Variants in UTP25 observed in about 807,000 individuals in gnomAD.
UTP25 encodes the protein U3 small nucleolar RNA-associated protein 25 homolog.
In UTP25, 50 loss-of-function variants were observed where a neutral mutation model predicts 78.9. The ratio of observed to expected loss-of-function variants is 0.63; its 90% confidence interval spans 0.50 to 0.80. UTP25 has a LOEUF of 0.80. UTP25 is among the 30% of genes least tolerant of loss of function. The probability of loss-of-function intolerance (pLI) is 0.00; values close to 1 mark genes in which losing one functional copy is unlikely to be tolerated. For missense variants in UTP25, 846 were observed against 911.3 expected (o/e 0.93, Z 0.92); for synonymous variants, 329 against 336.5 (o/e 0.98, Z 0.24).
At chr1:209,841,438 G>A (rs556113269) in intron 8 of UTP25, among the ~76,000 whole-genome samples, 2 of 152,288 alleles carry the variant, frequency 1.3e-5, no homozygotes, top group South Asian at 2.1e-4. Flanking sequence ...TGCTTATGCT[G>A]TTTTGTTTGG....
intron 8 of UTP25, among the ~76,000 whole-genome samples, chr1:209,841,302 T>C (rs2078165890): frequency 6.6e-6 from 1 of 152,240 alleles, no homozygotes; most frequent in South Asian, 2.1e-4. Flanking sequence ...CCAGAAAAGA[T>C]TTCTTTCCCT....
chr1:209,830,001 G>A, intron 1 of UTP25, 107 bp from the exon 2 acceptor site: 3 of 960,462 alleles, frequency 3.1e-6, no homozygotes, highest in Non-Finnish European at 4.7e-6. Context: ...TATCTAAAAT[G>A]TATTTATAAT....
intron 6 of UTP25, among the ~76,000 whole-genome samples, chr1:209,837,839 T>C (rs1281191154): frequency 6.6e-6 from 1 of 152,234 alleles, no homozygotes; most frequent in South Asian, 2.1e-4. Flanking sequence ...CATGATGTTA[T>C]AGAACCAGGA....
rs763410009 is a variant in UTP25 at position 209,851,210 on chromosome 1, A to G, written c.2034A>G (p.Thr678=). The G allele has an allele frequency of 2.5e-6, 4 of 1,612,842 alleles. No individual in the cohort carries two copies. In the South Asian group the frequency reaches 3.3e-5, roughly 13 times the overall value. ...TTCTTTCCAATTCTGACAGGTATAC[A>G]ATAAAAGGCATCAGGAACCTGATTT... ...TERFHFYKRY[T]IKGIRNLIFY... The change falls in exon 12 of 12, where the codon ACA becomes ACG. Residue 678 remains threonine (T), a synonymous_variant. Transcript: ENST00000491415.
At position 209,836,155 on chromosome 1, in the gene UTP25, G is replaced by GT. The variant is rs201089976; in HGVS notation, c.652-637dup. ...ATACAGCATGTAACCTTTTGAGATT[G>GT]TTTTTTTTTCACTCAGCATGATTCC... On this transcript the variant is annotated intron_variant, in intron 5 of 11. Transcript: ENST00000491415. 1.7e-3 allele frequency among the ~76,000 whole-genome samples: 258 copies of GT among 149,678 alleles called. 1 individual carries two copies. Among genetic ancestry groups the GT allele is most frequent in the Non-Finnish European group, 2.9e-3 (198 of 67,384 alleles).
At chr1:209,842,043 G>A (rs1022977420) in intron 8 of UTP25, among the ~76,000 whole-genome samples, 2 of 152,118 alleles carry the variant, frequency 1.3e-5, no homozygotes, top group Non-Finnish European at 2.9e-5. Flanking sequence ...GTACCATTTT[G>A]ATCATTTGTT....
chr1:209,842,188 C>T (rs2078170561), intron 8 of UTP25, 77 bp from the exon 9 acceptor site: 4 of 1,452,024 alleles, frequency 2.8e-6, no homozygotes, highest in Middle Eastern at 2.4e-4. Context: ...AGTTGATAGA[C>T]TCGGAAAATG....
chr1:209,831,154 A>C (rs2102567823), intron 3 of UTP25, 111 bp downstream of exon 3: 1 of 1,133,544 alleles, frequency 8.8e-7, no homozygotes, highest in East Asian at 2.5e-5. Flanking sequence ...CATGAATCCA[A>C]AATAGGGATT....
chr1:209,842,187 A>G, intron 8 of UTP25, 78 bp from the exon 9 acceptor site: 1 of 1,439,156 alleles, frequency 6.9e-7, no homozygotes, highest in African/African-American at 1.4e-5. Flanking sequence ...GAGTTGATAG[A>G]CTCGGAAAAT....
In UTP25 at chr1:209,835,133, C is replaced by T. The variant is rs1171728283; in HGVS notation, c.621C>T (p.Ala207=). The change falls in exon 5 of 12, where the codon GCC becomes GCT. Residue 207 remains alanine, a synonymous_variant. Coordinates refer to ENST00000491415, the MANE Select transcript of UTP25 (RefSeq NM_014388.7). The part of the protein sequence containing the change: ...ELKEKAIQAV[A]TNPKTTHELK... ...AAGAAAAAGCAATTCAGGCTGTTGC[C>T]ACAAATCCCAAAACTACCCACGAGC... is the stretch of plus-strand genomic sequence containing the variant. 13 of 1,613,612 alleles carry T rather than the reference C, an allele frequency of 8.1e-6. No individual in the cohort carries two copies. Among genetic ancestry groups the T allele is most frequent in the Non-Finnish European group, 1.1e-5 (13 of 1,179,746 alleles).
At chr1:209,842,528 T>C (rs1363192613) in intron 9 of UTP25, 55 bp from the exon 10 acceptor site, 1 of 1,611,304 alleles carries the variant, frequency 6.2e-7, no homozygotes, top group Non-Finnish European at 8.5e-7. Context: ...AGGCGATAGC[T>C]TCTGGTCAAG....
At chr1:209,831,189 C>A in intron 3 of UTP25, 146 bp downstream of exon 3, 1 of 775,588 alleles carries the variant, frequency 1.3e-6, no homozygotes. Flanking sequence ...TTGATTGTAT[C>A]TTTGAGAATC....
rs1214314011 is a variant in UTP25, at chr1:209,857,445, T to C, written c.*5998T>C. 1.3e-5 allele frequency: 2 copies of C among 152,202 alleles called. No homozygotes were observed. Among genetic ancestry groups the C allele is most frequent in the East Asian group, 3.8e-4 (2 of 5,202 alleles). The allele number at this position is 152,202 out of a possible 1,614,324, so 9.4% of individuals were successfully genotyped here. Reference sequence around the variant, plus strand: ...AAAAACAAAAATCAAACTACATCTATTTGGTGATCATTATTAATGTCTTAT... The same window carrying C: ...AAAAACAAAAATCAAACTACATCTACTTGGTGATCATTATTAATGTCTTAT... On this transcript the variant is annotated 3_prime_UTR_variant, in exon 12 of 12. Transcript: ENST00000491415.
chr1:209,833,102 G>A (rs2078112188), intron 3 of UTP25, 83 bp from the exon 4 acceptor site: 12 of 1,288,980 alleles, frequency 9.3e-6, no homozygotes, highest in South Asian at 1.4e-5. Context: ...GCTATTGTTG[G>A]TATAGCCTAA....
rs1168711144 is a variant in UTP25 at position 209,856,311 on chromosome 1, T to G, written c.*4864T>G. On this transcript the variant is annotated 3_prime_UTR_variant, in exon 12 of 12. Transcript: ENST00000491415. ...GTACCTAGTAAAAACACTGCATCAT[T>G]TTCCATCCCCCACCCCTTGCAGTAA... 2.0e-5 allele frequency: 3 copies of G among 152,262 alleles called. No individual in the cohort carries two copies. Among genetic ancestry groups the G allele is most frequent in the Non-Finnish European group, 1.5e-5 (1 of 68,090 alleles). The allele number at this position is 152,262 out of a possible 1,614,324, so 9.4% of individuals were successfully genotyped here.
chr1:209,851,300 C>T lies in UTP25; in HGVS notation c.2124C>T (p.Asn708=), dbSNP rs1223437811. The part of the protein sequence containing the change: ...SEICNMLRAT[N]RGEEATWTCT... ...TCTGTAATATGCTGAGAGCCACCAA[C>T]AGAGGAGAAGAGGCCACGTGGACCT... Residue 708 remains asparagine (N), a synonymous_variant, in exon 12 of 12, where the codon AAC becomes AAT. Transcript: ENST00000491415. The T allele has an allele frequency of 6.2e-7, 1 of 1,614,214 alleles. No homozygotes were observed. The highest frequency in any genetic ancestry group is 1.7e-5 in the Admixed American group (1 of 60,030).
In UTP25 at chr1:209,855,183, T is replaced by C. The variant is rs1048006009; in HGVS notation, c.*3736T>C. ...GCAAACCCCGCGACGTTCAGCCGTC[T>C]TCCTCCTATGCCACGTGCTCTCACC... On this transcript the variant is annotated 3_prime_UTR_variant, in exon 12 of 12. Transcript: ENST00000491415. The C allele has an allele frequency of 2.0e-5, 3 of 152,258 alleles. No homozygotes were observed. The highest frequency in any genetic ancestry group is 1.3e-4 in the Admixed American group (2 of 15,288). 9.4% of individuals were successfully genotyped at this position (152,258 alleles called of 1,614,324 possible).
intron 1 of UTP25, among the ~76,000 whole-genome samples, chr1:209,829,037 G>T (rs569908207): frequency 4.5e-4 from 69 of 152,224 alleles, no homozygotes; most frequent in Non-Finnish European, 8.1e-4. Context: ...GCCTCCCAAA[G>T]TGCTGGAATT....
chr1:209,837,996 C>T (rs1320339411), intron 6 of UTP25, among the ~76,000 whole-genome samples: 1 of 152,110 alleles, frequency 6.6e-6, no homozygotes, highest in Non-Finnish European at 1.5e-5. Flanking sequence ...TGTGTAATAG[C>T]GGGGGAAACC....
Sources: allele counts gnomAD v4.1 joint callset (sites outside exome capture counted in the v4.1 genomes callset), GRCh38; gene constraint gnomAD v4.1.1; transcripts MANE v1.5; gene names NCBI Gene and HGNC (gene_info 2026-07-23, HGNC 2026-07-21).